PXN: variants seen among roughly 807,000 people sequenced by gnomAD.
PXN encodes the protein paxillin.
Under a neutral mutation model 103.6 loss-of-function variants are expected in PXN, and 61 were observed. The observed-to-expected ratio is 0.59, with a 90% CI of 0.48 to 0.73. The LOEUF is 0.73. Among genes scored for constraint, PXN ranks in the 30% least tolerant of loss-of-function variants. The pLI is 0.00. For synonymous variants in PXN, 562 were observed against 607.8 expected (o/e 0.92, Z 1.11); for missense variants, 1,274 against 1,460.3 (o/e 0.87, Z 2.08).
chr12:120,260,794 T>C (rs144212494), intron 1 of PXN, among the ~76,000 whole-genome samples: 7 of 152,200 alleles, frequency 4.6e-5, no homozygotes, highest in Non-Finnish European at 8.8e-5. Flanking sequence ...GGTGAAACCC[T>C]GTCTCCACAA....
At chr12:120,250,004 CAAG>C in intron 1 of PXN, 1 of 985,294 alleles carries the variant, frequency 1.0e-6, no homozygotes, top group Non-Finnish European at 1.2e-6. Context: ...GGAGGGCTGC[CAAG>C]TCGTGTCTCT....
chr12:120,224,808 G>C lies in PXN; in HGVS notation c.14-431C>G, dbSNP rs1261377424. The C allele has an allele frequency of 8.8e-6, 4 of 452,542 alleles. No individual in the cohort carries two copies. Among genetic ancestry groups the C allele is most frequent in the African/African-American group, 4.0e-5 (2 of 50,042 alleles). 28.0% of individuals were successfully genotyped at this position (452,542 alleles called of 1,614,324 possible). On this transcript the variant is annotated intron_variant, in intron 1 of 14. Transcript: ENST00000637617. The surrounding 1 kb of genome is among the most constrained non-coding windows in gnomAD (Gnocchi z 5.0). ...CCCTGGCTATGCCAGGCCCTCACTT[G>C]ATTTCTAAGAGCTTAGGCTTTCCCA...
intron 1 of PXN, among the ~76,000 whole-genome samples, chr12:120,254,352 T>C (rs1366925572): frequency 6.6e-6 from 1 of 152,154 alleles, no homozygotes; most frequent in Non-Finnish European, 1.5e-5. Context: ...GGGCTGAAGT[T>C]AAGAAAATCG....
Position 120,212,697 on chromosome 12 carries a change from G to A in PXN, c.2980-117C>T, listed in dbSNP as rs533462305. The A allele has an allele frequency of 4.0e-5, 50 of 1,236,860 alleles. No homozygotes were observed. The African/African-American group carries it at 4.0e-4, about 10-fold the overall frequency. 76.6% of individuals were successfully genotyped at this position (1,236,860 alleles called of 1,614,324 possible). Reference sequence around the variant, plus strand: ...TCGGAGTGACTCCTACTTGCTAGGCGTTTCCCATGTGCCGTGTTGTCCTAA... The same window carrying A: ...TCGGAGTGACTCCTACTTGCTAGGCATTTCCCATGTGCCGTGTTGTCCTAA... On this transcript the variant is annotated intron_variant, in intron 14 of 14. Coordinates refer to ENST00000637617, the MANE Select transcript of PXN (RefSeq NM_001385981.1). This position sits in a 1 kb window ranked among gnomAD's most constrained non-coding sequence, Gnocchi z 7.2.
At position 120,219,556 on chromosome 12, in the gene PXN, C is replaced by T. The variant is rs759947008; in HGVS notation, c.1367G>A (p.Arg456Gln). ...PERMPPSGAA[R>Q]SFQEVTEPAV... ...TGGCTCTGTTACTTCTTGGAAGCTTCGAGCAGCTCCAGAGGGGGGCATTCT... is the reference window on the plus strand; with the variant it reads ...TGGCTCTGTTACTTCTTGGAAGCTTTGAGCAGCTCCAGAGGGGGGCATTCT... Residue 456 changes from arginine (R) to glutamine (Q), a missense_variant, in exon 7 of 15, where the codon CGA becomes CAA. This residue lies in a region of PXN where 1,178 missense variants were observed against 1,309.0 expected (regional missense o/e 0.90). Transcript: ENST00000637617. The surrounding 1 kb of genome is among the most constrained non-coding windows in gnomAD (Gnocchi z 6.5). 9 of 1,578,590 alleles carry T rather than the reference C, an allele frequency of 5.7e-6. No homozygotes were observed. The highest frequency in any genetic ancestry group is 1.1e-5 in the South Asian group (1 of 89,048).
At chr12:120,246,866 A>G (rs916360233) in intron 1 of PXN, among the ~76,000 whole-genome samples, 6 of 151,728 alleles carry the variant, frequency 4.0e-5, no homozygotes, top group Admixed American at 3.3e-4. Flanking sequence ...AAAAAAAAAA[A>G]AAAAAGAAAA....
At chr12:120,241,546 G>A (rs1484177568) in intron 1 of PXN, among the ~76,000 whole-genome samples, 1 of 152,216 alleles carries the variant, frequency 6.6e-6, no homozygotes, top group Admixed American at 6.5e-5. Context: ...TGCTGGGCAT[G>A]GGAGGGGCAA....
In PXN at chr12:120,265,523, T is replaced by C; in HGVS notation, c.13+94A>G. 1 of 1,345,090 alleles carries C rather than the reference T, an allele frequency of 7.4e-7. No individual in the cohort carries two copies. The highest frequency in any genetic ancestry group is 9.7e-7 in the Non-Finnish European group (1 of 1,033,250). The allele number at this position is 1,345,090 out of a possible 1,614,324, so 83.3% of individuals were successfully genotyped here. A position where few individuals can be genotyped will look rare whatever the true frequency, so the allele number is the denominator to read the frequency against. On this transcript the variant is annotated intron_variant, in intron 1 of 14. Transcript: ENST00000637617. This position sits in a 1 kb window ranked among gnomAD's most constrained non-coding sequence, Gnocchi z 5.7. Reference sequence around the variant, plus strand: ...GAGCTGAGGCCGGGGCCGCCGAGGGTGGGATCCCGCGGCCCCTGCCGCTCG... The same window carrying C: ...GAGCTGAGGCCGGGGCCGCCGAGGGCGGGATCCCGCGGCCCCTGCCGCTCG...
rs546877837 is a variant in PXN at position 120,219,519 on chromosome 12, T to A, written c.1404A>T (p.Ala468=). The A allele has an allele frequency of 1.3e-6, 2 of 1,594,240 alleles. No individual in the cohort carries two copies. The highest frequency in any genetic ancestry group is 2.2e-5 in the South Asian group (2 of 90,714). ...CTGGGAAGATGGCCTGCCGGTCCAC[T>A]GCCACTACAGCTGGCTCTGTTACTT... ...FQEVTEPAVV[A]VDRQAIFPDT... The change falls in exon 7 of 15, where the codon GCA becomes GCT. Residue 468 remains alanine (A), a synonymous_variant. Transcript: ENST00000637617. The surrounding 1 kb of genome is among the most constrained non-coding windows in gnomAD (Gnocchi z 6.5).
In PXN at chr12:120,217,129, G is replaced by A; in HGVS notation, c.1717-13C>T. ...TCACAGATCGGATCTAGGGGGAGGGGGAGGGGAGGCTGTCACCGTCCCACT... is the reference window on the plus strand; with the variant it reads ...TCACAGATCGGATCTAGGGGGAGGGAGAGGGGAGGCTGTCACCGTCCCACT... On this transcript the variant is annotated splice_polypyrimidine_tract_variant and intron_variant, in intron 7 of 14. Transcript: ENST00000637617. This position sits in a 1 kb window ranked among gnomAD's most constrained non-coding sequence, Gnocchi z 4.1. 6.4e-7 allele frequency: 1 copy of A among 1,570,278 alleles called. No individual in the cohort carries two copies. The highest frequency in any genetic ancestry group is 8.6e-7 in the Non-Finnish European group (1 of 1,164,986).
intron 1 of PXN, among the ~76,000 whole-genome samples, chr12:120,254,879 C>A (rs1892758710): frequency 6.6e-6 from 1 of 152,052 alleles, no homozygotes; most frequent in Non-Finnish European, 1.5e-5. Flanking sequence ...AATAAAGAAG[C>A]ACATGAAAAT....
rs1029042234 is a variant in PXN, at chr12:120,221,813, G to T, written c.696-55C>A. 72 of 1,507,136 alleles carry T rather than the reference G, an allele frequency of 4.8e-5. No individual in the cohort carries two copies. Among genetic ancestry groups the T allele is most frequent in the Admixed American group, 1.2e-4 (6 of 49,792 alleles). 93.4% of individuals were successfully genotyped at this position (1,507,136 alleles called of 1,614,324 possible). On this transcript the variant is annotated intron_variant, in intron 5 of 14. Transcript: ENST00000637617. This position sits in a 1 kb window ranked among gnomAD's most constrained non-coding sequence, Gnocchi z 6.6. ...GCCCACAGTCAGCCCCACACTTCCC[G>T]GGGATCAGATCGACCTCTCACCTCG...
Position 120,224,375 on chromosome 12 carries a change from C to T in PXN, c.16G>A (p.Ala6Thr), listed in dbSNP as rs748821995. Residue 6 changes from alanine to threonine, a missense_variant and splice_region_variant, in exon 2 of 15, where the codon GCC becomes ACC. Physicochemically the swap from Ala to Thr is moderately conservative, Grantham distance 58 (BLOSUM62 0). This residue lies in a region of PXN where 1,178 missense variants were observed against 1,309.0 expected (regional missense o/e 0.90). Transcript: ENST00000637617. This position sits in a 1 kb window ranked among gnomAD's most constrained non-coding sequence, Gnocchi z 5.0. ...GTAGACTCCAAGTCCGCCAGCAGGGCGTCTGCAAAGAGAAGGCACGGGTAG... is the reference window on the plus strand; with the variant it reads ...GTAGACTCCAAGTCCGCCAGCAGGGTGTCTGCAAAGAGAAGGCACGGGTAG... MDDLD[A>T]LLADLESTTS... 1.8e-5 allele frequency: 29 copies of T among 1,613,142 alleles called. No individual in the cohort carries two copies. Among genetic ancestry groups the T allele is most frequent in the Admixed American group, 8.3e-5 (5 of 59,992 alleles).
chr12:120,257,287 A>C (rs1893163166), intron 1 of PXN, among the ~76,000 whole-genome samples: 1 of 152,182 alleles, frequency 6.6e-6, no homozygotes, highest in Non-Finnish European at 1.5e-5. Flanking sequence ...CATTTCATTA[A>C]AACAATTACC....
chr12:120,246,935 G>A (rs1425486815), intron 1 of PXN, among the ~76,000 whole-genome samples: 9 of 151,958 alleles, frequency 5.9e-5, no homozygotes, highest in Admixed American at 5.9e-4. Context: ...GGCTAAGGCA[G>A]GAGGATCACT....
At chr12:120,242,623 T>C (rs2136522927) in intron 1 of PXN, among the ~76,000 whole-genome samples, 1 of 152,112 alleles carries the variant, frequency 6.6e-6, no homozygotes, top group East Asian at 1.9e-4. Context: ...TGGTGGCTCA[T>C]GCCTGTAATC....
rs1016264697 is a variant in PXN, at chr12:120,212,224, T to C, written c.*90A>G. 114 of 1,515,836 alleles carry C rather than the reference T, an allele frequency of 7.5e-5. No homozygotes were observed. The highest frequency in any genetic ancestry group is 9.9e-5 in the Non-Finnish European group (112 of 1,125,788). 93.9% of individuals were successfully genotyped at this position (1,515,836 alleles called of 1,614,324 possible). A position where few individuals can be genotyped will look rare whatever the true frequency, so the allele number is the denominator to read the frequency against. ...CAAGGGTTCCAGTTTCAGTCGGGTT[T>C]ACCCCTTCACCCCCGGGTGAAGTCT... On this transcript the variant is annotated 3_prime_UTR_variant, in exon 15 of 15. Transcript: ENST00000637617. The surrounding 1 kb of genome is among the most constrained non-coding windows in gnomAD (Gnocchi z 7.2).
In PXN at chr12:120,220,114, G is replaced by C. The variant is rs1464366902; in HGVS notation, c.832-23C>G. On this transcript the variant is annotated intron_variant, in intron 6 of 14. Transcript: ENST00000637617. The surrounding 1 kb of genome is among the most constrained non-coding windows in gnomAD (Gnocchi z 6.1). Reference sequence around the variant, plus strand: ...GGTCTGGAGAAGAGAGAAATGCAGAGGGGAGAGGAGAGAGAGAGATGAGGG... The same window carrying C: ...GGTCTGGAGAAGAGAGAAATGCAGACGGGAGAGGAGAGAGAGAGATGAGGG... The C allele has an allele frequency of 2.2e-6, 2 of 927,086 alleles. No homozygotes were observed. The highest frequency in any genetic ancestry group is 3.2e-6 in the Non-Finnish European group (2 of 630,134). 57.4% of individuals were successfully genotyped at this position (927,086 alleles called of 1,614,324 possible). A position where few individuals can be genotyped will look rare whatever the true frequency, so the allele number is the denominator to read the frequency against.
chr12:120,239,646 CTGAG>C (rs1889800586), intron 1 of PXN, among the ~76,000 whole-genome samples: 1 of 152,004 alleles, frequency 6.6e-6, no homozygotes, highest in Non-Finnish European at 1.5e-5. Flanking sequence ...ACTCAGGAGG[CTGAG>C]TGAGGCAACG....
Sources: gnomAD v4.1 joint callset for allele counts (sites outside exome capture counted in the v4.1 genomes callset) on GRCh38, gnomAD v4.1.1 for gene constraint, gnomAD v4.1.1 regional missense constraint, Gnocchi (gnomAD v3.1) non-coding constraint, MANE v1.5 for transcripts, NCBI Gene and HGNC (gene_info 2026-07-23, HGNC 2026-07-21) for gene names.